Variants in EPB41L2 observed in about 807,000 individuals in gnomAD.
The protein encoded by EPB41L2 is erythrocyte membrane protein band 4.1 like 2.
EPB41L2 carries 43 observed loss-of-function variants against 113.0 expected under a neutral mutation model. The observed-to-expected ratio is 0.38, with a 90% CI of 0.30 to 0.49. The LOEUF is 0.49. Ranked by LOEUF, EPB41L2 falls within the 20% of genes least tolerant of loss-of-function variation. EPB41L2 has a pLI of 0.95. For synonymous variants in EPB41L2, 442 were observed against 436.7 expected, an observed-to-expected ratio of 1.01 and a Z score of -0.15; for missense variants, 1,147 against 1,223.4, an observed-to-expected ratio of 0.94 and a Z score of 0.93.
At chr6:130,900,644 C>G (rs372696059) in intron 7 of EPB41L2, among the ~76,000 whole-genome samples, 1 of 152,070 alleles carries the variant, frequency 6.6e-6, no homozygotes, top group Non-Finnish European at 1.5e-5. Flanking sequence ...AAGTAAATGT[C>G]AAATAAGTAT....
At chr6:130,913,044 C>A (rs1377518374) in intron 4 of EPB41L2, among the ~76,000 whole-genome samples, 2 of 152,152 alleles carry the variant, frequency 1.3e-5, no homozygotes, top group African/African-American at 2.4e-5. Context: ...TTCTCTGTTC[C>A]AGAAGATGGT....
intron 3 of EPB41L2, among the ~76,000 whole-genome samples, chr6:130,951,118 A>T (rs555256307): frequency 1.6e-4 from 24 of 151,858 alleles, no homozygotes; most frequent in African/African-American, 5.8e-4. Context: ...TTAGCCAGGC[A>T]TGGTGGCATG....
chr6:131,040,248 G>C (rs538805016), intron 1 of EPB41L2, among the ~76,000 whole-genome samples: 1 of 152,282 alleles, frequency 6.6e-6, no homozygotes, highest in Non-Finnish European at 1.5e-5. Flanking sequence ...GACCAGCCTG[G>C]CCAACATGGC....
At chr6:131,036,674 C>G (rs1793384429) in intron 1 of EPB41L2, among the ~76,000 whole-genome samples, 2 of 152,296 alleles carry the variant, frequency 1.3e-5, no homozygotes, top group South Asian at 2.1e-4. Context: ...TCTCCTCCAA[C>G]TATGATTCTA....
chr6:130,986,788 A>C (rs1462366168), intron 1 of EPB41L2, among the ~76,000 whole-genome samples: 116 of 152,258 alleles, frequency 7.6e-4, no homozygotes, highest in Non-Finnish European at 5.9e-5. Context: ...AACATTTCAA[A>C]TGTAATAAAA....
intron 1 of EPB41L2, among the ~76,000 whole-genome samples, chr6:130,997,175 A>T (rs1183700306): frequency 5.9e-5 from 9 of 152,228 alleles, no homozygotes; most frequent in African/African-American, 1.9e-4. Context: ...AACTGGATTT[A>T]AAAGAATGAA....
At chr6:131,008,839 T>C (rs1022409882) in intron 1 of EPB41L2, among the ~76,000 whole-genome samples, 1 of 152,206 alleles carries the variant, frequency 6.6e-6, no homozygotes, top group Non-Finnish European at 1.5e-5. Flanking sequence ...ATTTCTCCCG[T>C]TTGGAATGGT....
In EPB41L2 at chr6:130,956,448, T is replaced by G. The variant is rs1330727531; in HGVS notation, c.38A>C (p.Lys13Thr). ...ATCTGTTCCTAACTGGCTAGAGTCC[T>G]TCTTCACTTCAGACACAGAGCCTAC... ...TEVGSVSEVK[K>T]DSSQLGTDAT... The change falls in exon 2 of 20, where the codon AAG (lysine) becomes ACG (threonine). Residue 13 changes from lysine (K) to threonine (T), a missense_variant. By Grantham distance (78) the Lys-to-Thr change is moderately conservative. Coordinates refer to ENST00000337057, the MANE Select transcript of EPB41L2 (RefSeq NM_001431.4). The G allele has an allele frequency of 1.9e-6, 3 of 1,613,968 alleles. No individual in the cohort carries two copies. In the South Asian group the frequency reaches 3.3e-5, roughly 18 times the overall value.
rs570430276 is a variant in EPB41L2, at chr6:131,055,768, AAAG to A, written c.-15+7384_-15+7386del. On this transcript the variant is annotated intron_variant, in intron 1 of 19. Transcript: ENST00000337057. ...AGCTACTCCAAGATGGTGCTGCAAA[AAAG>A]AAGCAGGGTTATTAACATATGTAAA... Among the ~76,000 whole-genome samples, 13 of 152,300 alleles carry A rather than the reference AAAG, an allele frequency of 8.5e-5. No individual in the cohort carries two copies. In the East Asian group the frequency reaches 2.3e-3, roughly 27 times the overall value.
intron 1 of EPB41L2, among the ~76,000 whole-genome samples, chr6:131,044,586 AC>A (rs1795069244): frequency 6.6e-6 from 1 of 152,132 alleles, no homozygotes; most frequent in Non-Finnish European, 1.5e-5. Context: ...CTTGGAAGAT[AC>A]CCCGGTGGTC....
chr6:131,022,161 A>G (rs1789667070), intron 1 of EPB41L2, among the ~76,000 whole-genome samples: 1 of 152,138 alleles, frequency 6.6e-6, no homozygotes, highest in East Asian at 1.9e-4. Flanking sequence ...GATTTTCATA[A>G]GGAGTACGCA....
chr6:130,998,899 A>G (rs1783732938), intron 1 of EPB41L2, among the ~76,000 whole-genome samples: 1 of 152,112 alleles, frequency 6.6e-6, no homozygotes, highest in Non-Finnish European at 1.5e-5. Flanking sequence ...AAGCAAACCC[A>G]GAAAGCAATT....
chr6:130,975,092 A>G (rs913684652), intron 1 of EPB41L2, among the ~76,000 whole-genome samples: 3 of 152,158 alleles, frequency 2.0e-5, no homozygotes, highest in East Asian at 1.9e-4. Context: ...AAGCACGTCC[A>G]GTGTCATTTA....
chr6:131,016,772 T>G (rs960320456), intron 1 of EPB41L2, among the ~76,000 whole-genome samples: 2 of 150,726 alleles, frequency 1.3e-5, no homozygotes, highest in African/African-American at 4.9e-5. Context: ...ATCATGCCAC[T>G]GAACTCCAGC....
chr6:130,967,702 A>T (rs1337560626), intron 1 of EPB41L2, among the ~76,000 whole-genome samples: 3 of 152,218 alleles, frequency 2.0e-5, no homozygotes, highest in South Asian at 4.1e-4. Flanking sequence ...CAAGCTTGTC[A>T]TCAGTTTCCT....
chr6:130,880,355 C>T (rs1370918590), intron 12 of EPB41L2, 149 bp from the exon 13 acceptor site: 7 of 628,840 alleles, frequency 1.1e-5, no homozygotes, highest in Non-Finnish European at 2.0e-5. Context: ...CCACAACAAA[C>T]ACAACTCACA....
At chr6:131,037,680 C>A (rs1159676331) in intron 1 of EPB41L2, among the ~76,000 whole-genome samples, 1 of 149,132 alleles carries the variant, frequency 6.7e-6, no homozygotes, top group Admixed American at 6.8e-5. Context: ...CCTCCACTTC[C>A]TGGGCTCAAG....
chr6:130,960,399 G>A (rs990921995), intron 1 of EPB41L2, among the ~76,000 whole-genome samples: 1 of 152,180 alleles, frequency 6.6e-6, no homozygotes, highest in African/African-American at 2.4e-5. Context: ...GTTATTGCTT[G>A]ACCATGTAAT....
At chr6:130,901,232 T>G (rs1293782462) in intron 6 of EPB41L2, 52 bp from the exon 7 acceptor site, 6 of 1,531,860 alleles carry the variant, frequency 3.9e-6, no homozygotes, top group Non-Finnish European at 4.5e-6. Flanking sequence ...TAGGTGAGAT[T>G]GGAGCACTCA....
Sources: gnomAD v4.1 joint callset for allele counts (sites outside exome capture counted in the v4.1 genomes callset) on GRCh38, gnomAD v4.1.1 for gene constraint, MANE v1.5 for transcripts, NCBI Gene and HGNC (gene_info 2026-07-23, HGNC 2026-07-21) for gene names.